ATXN2L: variants seen among roughly 807,000 people sequenced by gnomAD.
ATXN2L encodes ataxin-2-like protein.
A neutral mutation model predicts 120.7 loss-of-function variants in ATXN2L; 24 were observed. That is an observed-to-expected ratio of 0.20 (90% CI 0.14 to 0.28). ATXN2L has a LOEUF of 0.28. Among genes scored for constraint, ATXN2L ranks in the 10% least tolerant of loss-of-function variants. The probability of loss-of-function intolerance (pLI) is 1.00; values close to 1 mark genes in which losing one functional copy is unlikely to be tolerated. For missense variants in ATXN2L, 1,312 were observed against 1,432.3 expected, an observed-to-expected ratio of 0.92 and a Z score of 1.36; for synonymous variants, 653 against 568.1, an observed-to-expected ratio of 1.15 and a Z score of -2.13.
chr16:28,834,916 C>G (rs1959626529), intron 18 of ATXN2L, 142 bp from the exon 19 acceptor site: 1 of 1,246,874 alleles, frequency 8.0e-7, no homozygotes, highest in South Asian at 1.5e-5. Context: ...AAAATAGTGT[C>G]TGCTGGGTGG....
chr16:28,830,853 T>TA, intron 9 of ATXN2L, 63 bp downstream of exon 9: 1 of 1,530,532 alleles, frequency 6.5e-7, no homozygotes, highest in Non-Finnish European at 8.8e-7. Context: ...GGTGGGAGGG[T>TA]AATTGGAGGG....
rs752189481 is a variant in ATXN2L at position 28,829,622 on chromosome 16, A to G, written c.833+130A>G. 1.0e-4 allele frequency: 79 copies of G among 786,428 alleles called. 1 individual carries two copies. The highest frequency in any genetic ancestry group is 1.3e-4 in the Non-Finnish European group (64 of 477,456). The allele number at this position is 786,428 out of a possible 1,614,324, so 48.7% of individuals were successfully genotyped here. ...GTCCAGGGTCGCCATCCCTACTCCT[A>G]CTCTGCCTTGTGGAATTCTTCCCTC... On this transcript the variant is annotated intron_variant, in intron 7 of 21. Transcript: ENST00000336783.
Position 28,837,071 on chromosome 16 carries a change from A to G in ATXN2L, c.*806A>G, listed in dbSNP as rs1474210593. On this transcript the variant is annotated 3_prime_UTR_variant, in exon 22 of 22. Coordinates refer to ENST00000336783, the MANE Select transcript of ATXN2L (RefSeq NM_007245.4). The stretch of plus-strand genomic sequence containing the variant: ...GAAGATCTTTTATTTTCTATTATTT[A>G]TAACTTCAGACTTGGGCCCCCTGTT... The G allele has an allele frequency of 1.7e-6, 1 of 580,702 alleles. No homozygotes were observed. Among genetic ancestry groups the G allele is most frequent in the Non-Finnish European group, 3.2e-6 (1 of 309,380 alleles). 36.0% of individuals were successfully genotyped at this position (580,702 alleles called of 1,614,324 possible).
At chr16:28,831,099 G>C (rs371752882) in intron 10 of ATXN2L, 27 bp downstream of exon 10, 6 of 1,429,510 alleles carry the variant, frequency 4.2e-6, no homozygotes, top group Middle Eastern at 1.7e-4. Flanking sequence ...GTTGGATGAA[G>C]AAATGGATGG....
At position 28,832,281 on chromosome 16, in the gene ATXN2L, C is replaced by T. The variant is rs200605245; in HGVS notation, c.1398C>T (p.Pro466=). 3.1e-6 allele frequency: 5 copies of T among 1,614,172 alleles called. No homozygotes were observed. In the East Asian group the frequency reaches 8.9e-5, roughly 29 times the overall value. ...APISASCPEP[P]IGSAVPTSSA... ...TCTCAGCTTCCTGTCCAGAGCCTCC[C>T]ATCGGCTCGGCAGTGCCAACCTCTT... The change falls in exon 11 of 22, where the codon CCC becomes CCT. Residue 466 remains proline, a synonymous_variant. Coordinates refer to ENST00000336783, the MANE Select transcript of ATXN2L (RefSeq NM_007245.4).
intron 4 of ATXN2L, 40 bp downstream of exon 4, chr16:28,825,881 G>GT: frequency 6.4e-7 from 1 of 1,556,936 alleles, no homozygotes; most frequent in Non-Finnish European, 8.9e-7. Flanking sequence ...GAGTTGCAGA[G>GT]TAGGAGGAGA....
rs372293853 is a variant in ATXN2L, at chr16:28,830,246, TA to T, written c.1034+200del. 2.8e-4 allele frequency among the ~76,000 whole-genome samples: 41 copies of T among 147,154 alleles called. 1 individual carries two copies. The highest frequency in any genetic ancestry group is 9.8e-4 in the East Asian group (5 of 5,104). ...GTAACAAAGCTGGAGCTTGTAGATC[TA>T]AAAAAAAAAAATTCAAAATTTATGT... On this transcript the variant is annotated intron_variant, in intron 8 of 21. Transcript: ENST00000336783.
chr16:28,823,150 G>T lies in ATXN2L; in HGVS notation c.-110G>T, dbSNP rs1204635093. The T allele has an allele frequency of 5.1e-6, 3 of 591,770 alleles. No homozygotes were observed. The highest frequency in any genetic ancestry group is 4.8e-6 in the Non-Finnish European group (2 of 420,820). The allele number at this position is 591,770 out of a possible 1,614,324, so 36.7% of individuals were successfully genotyped here. On this transcript the variant is annotated 5_prime_UTR_variant, in exon 1 of 22. Coordinates refer to ENST00000336783, the MANE Select transcript of ATXN2L (RefSeq NM_007245.4). Reference sequence around the variant, plus strand: ...GGGGCTCCCCCCGCCCGCCCACGGCGGGCCCCGGCTGCCCGATCCCCCTCG... The same window carrying T: ...GGGGCTCCCCCCGCCCGCCCACGGCTGGCCCCGGCTGCCCGATCCCCCTCG...
intron 5 of ATXN2L, 28 bp downstream of exon 5, chr16:28,826,418 C>T (rs2051989514): frequency 4.3e-6 from 7 of 1,610,978 alleles, no homozygotes; most frequent in East Asian, 2.2e-5. Flanking sequence ...TACCTCAGAC[C>T]TGCTCTGTGT....
chr16:28,834,118 C>T lies in ATXN2L; in HGVS notation c.2079C>T (p.Pro693=), dbSNP rs553552202. The T allele has an allele frequency of 1.2e-6, 2 of 1,614,192 alleles. No homozygotes were observed. Among genetic ancestry groups the T allele is most frequent in the East Asian group, 4.5e-5 (2 of 44,884 alleles). The change falls in exon 16 of 22, where the codon CCC becomes CCT. Residue 693 remains proline, a synonymous_variant. Transcript: ENST00000336783. ...TSPGPRTHST[P]SIPVLTAGQS... is the part of the protein sequence containing the mutation. Reference sequence around the variant, plus strand: ...CGGGGCCCCGGACTCATTCAACTCCCTCCATCCCGGTGCTGACAGCAGGCC... The same window carrying T: ...CGGGGCCCCGGACTCATTCAACTCCTTCCATCCCGGTGCTGACAGCAGGCC...
At position 28,836,762 on chromosome 16, in the gene ATXN2L, C is replaced by T. The variant is rs775150166; in HGVS notation, c.*497C>T. 1.9e-6 allele frequency: 3 copies of T among 1,613,626 alleles called. No homozygotes were observed. Among genetic ancestry groups the T allele is most frequent in the African/African-American group, 1.3e-5 (1 of 74,866 alleles). ...ATCCCTCCCAGCAGCTCCCCTTCCA[C>T]CCCCCGGGGAACTGAAGATTGTCCT... On this transcript the variant is annotated 3_prime_UTR_variant, in exon 22 of 22. Coordinates refer to ENST00000336783, the MANE Select transcript of ATXN2L (RefSeq NM_007245.4).
At chr16:28,827,090 G>T in intron 6 of ATXN2L, 104 bp downstream of exon 6, 1 of 1,171,788 alleles carries the variant, frequency 8.5e-7, no homozygotes, top group Non-Finnish European at 1.1e-6. Context: ...GTTGCCCATT[G>T]ATGGTAGTCA....
At position 28,832,869 on chromosome 16, in the gene ATXN2L, G is replaced by C; in HGVS notation, c.1641G>C (p.Lys547Asn). 1 of 1,614,226 alleles carries C rather than the reference G, an allele frequency of 6.2e-7. No individual in the cohort carries two copies. Among genetic ancestry groups the C allele is most frequent in the Non-Finnish European group, 8.5e-7 (1 of 1,180,040 alleles). Residue 547 changes from lysine to asparagine, a missense_variant, in exon 13 of 22, where the codon AAG (lysine) becomes AAC (asparagine). By Grantham distance (94) the Lys-to-Asn change is moderately conservative. Transcript: ENST00000336783. ...GATTCCAACTGGAAGAACTGAGAAA[G>C]TTTGGGGCCCAGTTTAAGGTGAGAG... ...QKRFQLEELR[K>N]FGAQFKLQPS... is the part of the protein sequence containing the mutation.
rs2051957667 is a variant in ATXN2L at position 28,826,305 on chromosome 16, G to A, written c.531G>A (p.Glu177=). The A allele has an allele frequency of 2.5e-6, 4 of 1,614,206 alleles. No homozygotes were observed. Among genetic ancestry groups the A allele is most frequent in the Non-Finnish European group, 3.4e-6 (4 of 1,180,034 alleles). ...AGCCAGCAGGTGGCCCTCGTCGGGAGGACATTGTGGACACCATGGTGTTTA... is the reference window on the plus strand; with the variant it reads ...AGCCAGCAGGTGGCCCTCGTCGGGAAGACATTGTGGACACCATGGTGTTTA... ...ASEPAGGPRR[E]DIVDTMVFKP... The change falls in exon 5 of 22, where the codon GAG becomes GAA. Residue 177 remains glutamate, a synonymous_variant. Coordinates refer to ENST00000336783, the MANE Select transcript of ATXN2L (RefSeq NM_007245.4).
At chr16:28,830,564 C>T in intron 8 of ATXN2L, 51 bp from the exon 9 acceptor site, 1 of 1,499,310 alleles carries the variant, frequency 6.7e-7, no homozygotes, top group East Asian at 2.3e-5. Flanking sequence ...CTTCATCTTT[C>T]CAAAACGTGG....
At position 28,832,193 on chromosome 16, in the gene ATXN2L, C is replaced by T. The variant is rs775876942; in HGVS notation, c.1322-12C>T. The T allele has an allele frequency of 1.9e-6, 3 of 1,613,900 alleles. No individual in the cohort carries two copies. Among genetic ancestry groups the T allele is most frequent in the Admixed American group, 1.7e-5 (1 of 59,988 alleles). On this transcript the variant is annotated splice_polypyrimidine_tract_variant and intron_variant, in intron 10 of 21. Coordinates refer to ENST00000336783, the MANE Select transcript of ATXN2L (RefSeq NM_007245.4). Reference sequence around the variant, plus strand: ...AGCAGTAACCATCCTACAGCTCCCCCTTTTCTTCCAGTGGGCCGGATGTAT... The same window carrying T: ...AGCAGTAACCATCCTACAGCTCCCCTTTTTCTTCCAGTGGGCCGGATGTAT...
intron 1 of ATXN2L, chr16:28,824,056 A>G (rs1046550141): frequency 2.0e-6 from 2 of 985,172 alleles, no homozygotes; most frequent in African/African-American, 1.8e-5. Flanking sequence ...CGGTCTGGCC[A>G]GTAGGAGGGG....
At chr16:28,825,306 T>G in intron 1 of ATXN2L, 60 bp from the exon 2 acceptor site, 1 of 1,495,612 alleles carries the variant, frequency 6.7e-7, no homozygotes, top group Non-Finnish European at 9.3e-7. Context: ...TTAACATTAA[T>G]TTCATAGTGG....
At chr16:28,832,623 A>G (rs2152075184) in intron 12 of ATXN2L, 56 bp downstream of exon 12, 4 of 1,568,790 alleles carry the variant, frequency 2.5e-6, no homozygotes, top group Non-Finnish European at 3.5e-6. Flanking sequence ...GGGGGAGAGT[A>G]TTTCAGTTAG....
Sources: gnomAD v4.1 joint callset for allele counts (sites outside exome capture counted in the v4.1 genomes callset) on GRCh38, gnomAD v4.1.1 for gene constraint, MANE v1.5 for transcripts, NCBI Gene and HGNC (gene_info 2026-07-23, HGNC 2026-07-21) for gene names.